SLC44A5: variants seen among roughly 807,000 people sequenced by gnomAD.
SLC44A5 encodes the protein solute carrier family 44 member 5.
A neutral mutation model predicts 101.8 loss-of-function variants in SLC44A5; 57 were observed. That is an observed-to-expected ratio of 0.56 (90% confidence interval 0.45 to 0.70). The LOEUF (loss-of-function observed/expected upper bound fraction) is 0.70. SLC44A5 is among the 30% of genes least tolerant of loss of function. The pLI is 0.00. For missense variants in SLC44A5, 737 were observed against 853.1 expected, an observed-to-expected ratio of 0.86 and a Z score of 1.70; for synonymous variants, 281 against 290.9, an observed-to-expected ratio of 0.97 and a Z score of 0.35.
chr1:75,243,390 G>A (rs995039961), intron 7 of SLC44A5, among the ~76,000 whole-genome samples: 1 of 151,974 alleles, frequency 6.6e-6, no homozygotes, highest in Non-Finnish European at 1.5e-5. Context: ...ACCCATCTCA[G>A]CCTCCCAAAG....
chr1:75,230,587 G>A (rs1428285325), intron 12 of SLC44A5, among the ~76,000 whole-genome samples: 1 of 151,326 alleles, frequency 6.6e-6, no homozygotes, highest in Non-Finnish European at 1.5e-5. Flanking sequence ...TTCATGCATG[G>A]TTATTTCATG....
At chr1:75,260,168 A>T (rs1302636471) in intron 6 of SLC44A5, among the ~76,000 whole-genome samples, 2 of 152,162 alleles carry the variant, frequency 1.3e-5, no homozygotes, top group Non-Finnish European at 2.9e-5. Context: ...GATCAAATTC[A>T]CATATAACAA....
intron 4 of SLC44A5, 131 bp downstream of exon 4, chr1:75,339,451 G>A (rs1056967058): frequency 5.9e-5 from 40 of 677,690 alleles, no homozygotes; most frequent in Non-Finnish European, 9.8e-5. Flanking sequence ...GTGACATTTA[G>A]GCAGAAATAT....
chr1:75,560,699 C>T (rs1238172768), intron 1 of SLC44A5, among the ~76,000 whole-genome samples: 1 of 152,056 alleles, frequency 6.6e-6, no homozygotes, highest in Admixed American at 6.6e-5. Flanking sequence ...CTCCCTGTGC[C>T]CCAAGACTCA....
chr1:75,612,627 C>A (rs1237457065), upstream of SLC44A5, among the ~76,000 whole-genome samples: 1 of 152,232 alleles, frequency 6.6e-6, no homozygotes, highest in East Asian at 1.9e-4. Context: ...CCTGCTTCTT[C>A]CAGGCCTCCT....
At chr1:75,220,540 T>C (rs1224402507) in intron 14 of SLC44A5, among the ~76,000 whole-genome samples, 4 of 152,048 alleles carry the variant, frequency 2.6e-5, no homozygotes, top group Non-Finnish European at 4.4e-5. Context: ...TTTTAAATTA[T>C]AAATTTAAAT....
chr1:75,658,994 C>CATCTAT, the SLC44A5 span, among the ~76,000 whole-genome samples: 6 of 151,978 alleles, frequency 3.9e-5, no homozygotes, highest in Admixed American at 3.9e-4. Flanking sequence ...CTATTATAAA[C>CATCTAT]ATCTATATGC....
chr1:75,208,612 C>T (rs901130275), intron 23 of SLC44A5, among the ~76,000 whole-genome samples: 1 of 152,124 alleles, frequency 6.6e-6, no homozygotes, highest in Non-Finnish European at 1.5e-5. Context: ...AAGACATAAA[C>T]GGAAACATGT....
intron 5 of SLC44A5, 113 bp downstream of exon 5, chr1:75,300,499 C>A: frequency 1.7e-6 from 1 of 573,956 alleles, no homozygotes; most frequent in Admixed American, 3.6e-5. Context: ...GGAAAGACAA[C>A]AGTCAATAAT....
chr1:75,204,347 CAA>C (rs1411502701), intron 23 of SLC44A5: 1 of 152,072 alleles, frequency 6.6e-6, no homozygotes, highest in Non-Finnish European at 1.5e-5. Context: ...TTCTCAAAAA[CAA>C]TGCTCATTTT....
At chr1:75,647,114 C>A in the SLC44A5 span, among the ~76,000 whole-genome samples, 3 of 152,296 alleles carry the variant, frequency 2.0e-5, no homozygotes, top group African/African-American at 7.2e-5. Context: ...GTTTCTTGGG[C>A]CAGGCCCAAG....
intron 5 of SLC44A5, among the ~76,000 whole-genome samples, chr1:75,280,635 C>T (rs1228855997): frequency 6.7e-6 from 1 of 150,282 alleles, no homozygotes; most frequent in Admixed American, 6.8e-5. Flanking sequence ...ATAATCCTCA[C>T]GTGTTGGAAG....
chr1:75,634,193 G>A, the SLC44A5 span, among the ~76,000 whole-genome samples: 1 of 152,046 alleles, frequency 6.6e-6, no homozygotes, highest in Non-Finnish European at 1.5e-5. Flanking sequence ...TTTTTTGGTT[G>A]TGTCTCTGCC....
the SLC44A5 span, among the ~76,000 whole-genome samples, chr1:75,668,865 C>T: frequency 3.3e-5 from 5 of 151,304 alleles, no homozygotes; most frequent in East Asian, 5.9e-4. Flanking sequence ...TGTGGTACAA[C>T]GCACCTGTAA....
Position 75,375,927 on chromosome 1 carries a change from G to A in SLC44A5, c.52+20656C>T, listed in dbSNP as rs377087868. ...TTTCTGCATTTCCATCTGAGGTACC[G>A]GGTTCATCTCACTTGGGAGTGCCAG... On this transcript the variant is annotated intron_variant, in intron 3 of 23. Coordinates refer to ENST00000370859, the MANE Select transcript of SLC44A5 (RefSeq NM_001130058.2). Among the ~76,000 whole-genome samples, 16 of 152,312 alleles carry A rather than the reference G, an allele frequency of 1.1e-4. No individual in the cohort carries two copies. The South Asian group carries it at 2.1e-3, about 20-fold the overall frequency.
chr1:75,578,564 T>C (rs1281722632), intron 1 of SLC44A5, among the ~76,000 whole-genome samples: 1 of 152,150 alleles, frequency 6.6e-6, no homozygotes, highest in African/African-American at 2.4e-5. Context: ...ACCTCATTTA[T>C]ATGTGGAATC....
At chr1:75,372,737 AG>A (rs1323421512) in intron 3 of SLC44A5, among the ~76,000 whole-genome samples, 24 of 152,350 alleles carry the variant, frequency 1.6e-4, no homozygotes, top group African/African-American at 5.8e-4. Flanking sequence ...AATTGATAAA[AG>A]AATTATATCT....
intron 5 of SLC44A5, among the ~76,000 whole-genome samples, chr1:75,290,787 G>C (rs1478338248): frequency 6.6e-6 from 1 of 152,180 alleles, no homozygotes; most frequent in Non-Finnish European, 1.5e-5. Flanking sequence ...TTCTGAACAA[G>C]TGACCAGCCT....
At chr1:75,368,757 G>A (rs913192030) in intron 3 of SLC44A5, among the ~76,000 whole-genome samples, 2 of 151,996 alleles carry the variant, frequency 1.3e-5, no homozygotes, top group Non-Finnish European at 2.9e-5. Context: ...TATTGTCAAG[G>A]GGAACTCCTT....
Sources: gnomAD v4.1 joint callset for allele counts (sites outside exome capture counted in the v4.1 genomes callset) on GRCh38, gnomAD v4.1.1 for gene constraint, MANE v1.5 for transcripts, NCBI Gene and HGNC (gene_info 2026-07-23, HGNC 2026-07-21) for gene names.